The following CNGB1 variants were observed in gnomAD, a reference collection of about 807,000 sequenced individuals.
CNGB1 encodes the protein cyclic nucleotide-gated channel beta-1.
Under a neutral mutation model 151.7 loss-of-function variants are expected in CNGB1, and 126 were observed. The ratio of observed to expected loss-of-function variants is 0.83; its 90% confidence interval spans 0.72 to 0.96. The LOEUF is 0.96. Among genes scored for constraint, CNGB1 ranks in the 40% least tolerant of loss-of-function variants. The pLI is 0.00. For missense variants in CNGB1, 1,698 were observed against 1,627.0 expected, an observed-to-expected ratio of 1.04 and a Z score of -0.75; for synonymous variants, 623 against 635.1, an observed-to-expected ratio of 0.98 and a Z score of 0.29.
intron 10 of CNGB1, among the ~76,000 whole-genome samples, chr16:57,958,740 C>T (rs1284592798): frequency 5.2e-5 from 6 of 115,936 alleles, no homozygotes; most frequent in African/African-American, 2.0e-4. Context: ...GAAGGGAGTG[C>T]ACTTTGGGCA....
In CNGB1 at chr16:57,897,862, A is replaced by G. The variant is rs2149355734; in HGVS notation, c.3029T>C (p.Leu1010Ser). The G allele has an allele frequency of 1.2e-6, 2 of 1,614,212 alleles. No homozygotes were observed. Among genetic ancestry groups the G allele is most frequent in the Non-Finnish European group, 1.7e-6 (2 of 1,180,030 alleles). Residue 1010 changes from leucine to serine, a missense_variant, in exon 30 of 33, where the codon TTG (leucine) becomes TCG (serine). Leu to Ser is a moderately radical substitution (Grantham distance 145). Coordinates refer to ENST00000251102, the MANE Select transcript of CNGB1 (RefSeq NM_001297.5). The part of the protein sequence containing the change: ...YIIQAGQVQV[L>S]GGPDGKSVLV... ...CACAGATTTCCCATCAGGGCCGCCC[A>G]AGACCTGCACTTGCCCTGCCTGGAT...
intron 14 of CNGB1, 22 bp from the exon 15 acceptor site, chr16:57,940,343 G>C: frequency 1.3e-6 from 2 of 1,560,514 alleles, no homozygotes; most frequent in Non-Finnish European, 1.7e-6. Flanking sequence ...GGCGGGGTGG[G>C]GAGGATAAAA....
At chr16:57,924,472 G>A (rs1961131506) in intron 17 of CNGB1, among the ~76,000 whole-genome samples, 1 of 152,234 alleles carries the variant, frequency 6.6e-6, no homozygotes, top group South Asian at 2.1e-4. Context: ...TCCTGGTGGA[G>A]AAGAATGGTC....
intron 25 of CNGB1, 136 bp from the exon 26 acceptor site, chr16:57,905,011 A>C: frequency 9.2e-7 from 1 of 1,090,674 alleles, no homozygotes; most frequent in Non-Finnish European, 1.4e-6. Context: ...CTATGCAAGG[A>C]AAACCACCTC....
At position 57,923,263 on chromosome 16, in the gene CNGB1, G is replaced by C. The variant is rs758483672; in HGVS notation, c.1643+10C>G. The C allele has an allele frequency of 1.6e-5, 26 of 1,593,288 alleles. 1 individual carries two copies. The highest frequency in any genetic ancestry group is 2.2e-5 in the Non-Finnish European group (26 of 1,166,654). On this transcript the variant is annotated intron_variant, in intron 18 of 32. Coordinates refer to ENST00000251102, the MANE Select transcript of CNGB1 (RefSeq NM_001297.5). Reference sequence around the variant, plus strand: ...TCTTTCAATTTTCTGAGACCCCAGAGGGGTCTCACTCAGTGTCCTTCGGGG... The same window carrying C: ...TCTTTCAATTTTCTGAGACCCCAGACGGGTCTCACTCAGTGTCCTTCGGGG...
chr16:57,913,047 G>T, intron 23 of CNGB1, 53 bp from the exon 24 acceptor site: 1 of 1,580,594 alleles, frequency 6.3e-7, no homozygotes, highest in Admixed American at 1.7e-5. Flanking sequence ...GTAGCATGCT[G>T]CTCCCACGCC....
rs193155551 is a variant in CNGB1, at chr16:57,903,906, T to C, written c.2710A>G (p.Met904Val). Residue 904 changes from methionine (M) to valine (V), a missense_variant, in exon 27 of 33, where the codon ATG becomes GTG. Transcript: ENST00000251102. ...GACTTGGGGATCTTGTAGAAATTCA[T>C]GTACTTCACCGTGCTGTCCATGCAG... ...RSCMDSTVKY[M>V]NFYKIPKSVQ... 3.7e-6 allele frequency: 6 copies of C among 1,614,170 alleles called. No individual in the cohort carries two copies. In the East Asian group the frequency reaches 1.1e-4, roughly 30 times the overall value.
In CNGB1 at chr16:57,962,997, T is replaced by C. The variant is rs375397174; in HGVS notation, c.358A>G (p.Ser120Gly). The C allele has an allele frequency of 6.2e-7, 1 of 1,613,544 alleles. No individual in the cohort carries two copies. The highest frequency in any genetic ancestry group is 2.2e-5 in the East Asian group (1 of 44,860). ...ACCTGAGCCGGGTCCTCCGTGATGC[T>C]GTGAACAGGCTGCGGGATCACCTTC... ...VEKVIPQPVH[S>G]ITEDPAQILG... is the part of the protein sequence containing the mutation. The change falls in exon 5 of 33, where the codon AGC becomes GGC. Residue 120 changes from serine to glycine, a missense_variant. Coordinates refer to ENST00000251102, the MANE Select transcript of CNGB1 (RefSeq NM_001297.5).
intron 12 of CNGB1, among the ~76,000 whole-genome samples, chr16:57,957,001 G>T (rs1210177776): frequency 1.3e-5 from 2 of 152,194 alleles, no homozygotes; most frequent in African/African-American, 4.8e-5. Flanking sequence ...CATTTGCCAG[G>T]GGATGGGGGA....
At position 57,919,329 on chromosome 16, in the gene CNGB1, C is replaced by T. The variant is rs1960966040; in HGVS notation, c.1802-75G>A. 11 of 1,611,374 alleles carry T rather than the reference C, an allele frequency of 6.8e-6. No individual in the cohort carries two copies. In the Admixed American group the frequency reaches 1.2e-4, roughly 17 times the overall value. The stretch of plus-strand genomic sequence containing the variant: ...GAGGATGCAGAGAGAAGGGTCCCAA[C>T]TGCAGACCTTGGATCCAGATCTGAG... On this transcript the variant is annotated intron_variant, in intron 19 of 32. Coordinates refer to ENST00000251102, the MANE Select transcript of CNGB1 (RefSeq NM_001297.5).
chr16:57,952,493 CTTTTTTTTTTTTTTTTTT>C (rs10598722), intron 12 of CNGB1, among the ~76,000 whole-genome samples: 5 of 62,100 alleles, frequency 8.1e-5, no homozygotes, highest in African/African-American at 2.0e-4. Flanking sequence ...CAAGCATTTC[CTTTTTTTTTTTTTTTTTT>C]TTTTTTTTTG....
intron 27 of CNGB1, among the ~76,000 whole-genome samples, chr16:57,902,942 A>C (rs925672472): frequency 6.6e-6 from 1 of 152,174 alleles, no homozygotes. Context: ...GCCCTACTAT[A>C]ATATCGACTT....
Position 57,884,192 on chromosome 16 carries a change from G to C in CNGB1, c.3728C>G (p.Pro1243Arg), listed in dbSNP as rs372109962. The C allele has an allele frequency of 2.5e-6, 4 of 1,614,012 alleles. No individual in the cohort carries two copies. Among genetic ancestry groups the C allele is most frequent in the Non-Finnish European group, 3.4e-6 (4 of 1,179,918 alleles). Residue 1243 changes from proline (P) to arginine (R), a missense_variant, in exon 33 of 33, where the codon CCG (proline) becomes CGG (arginine). Physicochemically the swap from Pro to Arg is moderately radical, Grantham distance 103. Coordinates refer to ENST00000251102, the MANE Select transcript of CNGB1 (RefSeq NM_001297.5). Reference protein sequence around the residue: ...PGEQILSVKMPEEREEKAE With the variant: ...PGEQILSVKMREEREEKAE ...CTCCGCCTTCTCCTCCCTTTCCTCC[G>C]GCATCTTCACCGACAGGATCTGCTC...
chr16:57,900,712 T>G (rs1369325600), intron 29 of CNGB1, among the ~76,000 whole-genome samples: 2 of 152,226 alleles, frequency 1.3e-5, no homozygotes, highest in Admixed American at 1.3e-4. Context: ...TGGGGCAACC[T>G]TTCCTCCACC....
chr16:57,912,828 G>A, intron 24 of CNGB1, 102 bp downstream of exon 24: 1 of 1,166,066 alleles, frequency 8.6e-7, no homozygotes, highest in Non-Finnish European at 1.3e-6. Context: ...TGTCGTGTGT[G>A]TGTTGTGTGT....
chr16:57,887,461 A>G (rs568625705), intron 32 of CNGB1, among the ~76,000 whole-genome samples: 2 of 152,172 alleles, frequency 1.3e-5, no homozygotes, highest in Admixed American at 6.6e-5. Context: ...AACTTTTGCT[A>G]GAATCCCTGG....
chr16:57,904,597 G>T, intron 26 of CNGB1, 137 bp downstream of exon 26: 1 of 1,228,006 alleles, frequency 8.1e-7, no homozygotes, highest in Non-Finnish European at 1.2e-6. Flanking sequence ...CAGTGCTCCA[G>T]GCTCCTGACT....
At chr16:57,890,304 C>A (rs961809225) in intron 31 of CNGB1, among the ~76,000 whole-genome samples, 1 of 152,176 alleles carries the variant, frequency 6.6e-6, no homozygotes, top group Non-Finnish European at 1.5e-5. Context: ...AGCTGGAGAT[C>A]CCCCAGGAGA....
At position 57,903,940 on chromosome 16, in the gene CNGB1, G is replaced by T. The variant is rs1555488573; in HGVS notation, c.2676C>A (p.Tyr892Ter). Residue 892 changes from tyrosine (Y) to a stop codon, truncating the protein, a stop_gained, in exon 27 of 33, where the codon TAC (tyrosine) becomes TAA (stop). Coordinates refer to ENST00000251102, the MANE Select transcript of CNGB1 (RefSeq NM_001297.5). LOFTEE classifies it high-confidence loss of function. Reference sequence around the variant, plus strand: ...CCGTGCTGTCCATGCAGCTGCGGTAGTAGGTCTGTCCGGCGGTGGCGGCCC... The same window carrying T: ...CCGTGCTGTCCATGCAGCTGCGGTATTAGGTCTGTCCGGCGGTGGCGGCCC... ...VVGAATAGQT[Y>*]YRSCMDSTVK... 6.2e-7 allele frequency: 1 copy of T among 1,614,098 alleles called. No individual in the cohort carries two copies. The highest frequency in any genetic ancestry group is 1.1e-5 in the South Asian group (1 of 91,074).
Sources: gnomAD v4.1 joint callset for allele counts (sites outside exome capture counted in the v4.1 genomes callset) on GRCh38, gnomAD v4.1.1 for gene constraint, MANE v1.5 for transcripts, NCBI Gene and HGNC (gene_info 2026-07-23, HGNC 2026-07-21) for gene names.